Variants in CTNNA3 observed in about 807,000 individuals in gnomAD.
The protein encoded by CTNNA3 is catenin alpha-3.
A neutral mutation model predicts 95.7 loss-of-function variants in CTNNA3; 76 were observed. That is an observed-to-expected ratio of 0.79 (90% CI 0.66 to 0.96). The LOEUF (loss-of-function observed/expected upper bound fraction) is 0.96. Ranked by LOEUF, CTNNA3 falls within the 40% of genes least tolerant of loss-of-function variation. CTNNA3 has a pLI of 0.00. For synonymous variants in CTNNA3, 431 were observed against 374.4 expected, an observed-to-expected ratio of 1.15 and a Z score of -1.74; for missense variants, 1,191 against 1,089.8, an observed-to-expected ratio of 1.09 and a Z score of -1.31.
At chr10:66,011,903 A>G (rs2079011883) in intron 15 of CTNNA3, among the ~76,000 whole-genome samples, 2 of 152,290 alleles carry the variant, frequency 1.3e-5, no homozygotes, top group South Asian at 2.1e-4. Flanking sequence ...GCACTTTGCT[A>G]TGCTGTATGA....
intron 7 of CTNNA3, among the ~76,000 whole-genome samples, chr10:66,913,257 A>AAAG (rs1564762045): frequency 6.7e-6 from 1 of 148,978 alleles, no homozygotes; most frequent in Non-Finnish European, 1.5e-5. Flanking sequence ...AAAAAAAAAA[A>AAAG]AAAAAAAAGA....
chr10:65,995,584 C>T (rs1197016966), intron 15 of CTNNA3, among the ~76,000 whole-genome samples: 5 of 151,952 alleles, frequency 3.3e-5, no homozygotes, highest in Non-Finnish European at 5.9e-5. Flanking sequence ...TGCATGGGCA[C>T]GAATGTAATT....
At chr10:66,695,669 A>G (rs1464292465) in intron 9 of CTNNA3, among the ~76,000 whole-genome samples, 1 of 152,140 alleles carries the variant, frequency 6.6e-6, no homozygotes, top group East Asian at 1.9e-4. Context: ...ATCCTGTTAC[A>G]GGTTTGTTGA....
rs1159606302 is a variant in CTNNA3, at chr10:67,157,585, C to G, written c.1047+22732G>C. Among the ~76,000 whole-genome samples the G allele has an allele frequency of 2.0e-5, 3 of 152,134 alleles. No individual in the cohort carries two copies. In the East Asian group the frequency reaches 5.8e-4, roughly 29 times the overall value. The stretch of plus-strand genomic sequence containing the variant: ...AAAAGAGGAGGTTTGTAAACTCTCT[C>G]CGGAACCAGTATTTCAGACTTTCTA... On this transcript the variant is annotated intron_variant, in intron 7 of 17. Transcript: ENST00000433211.
At chr10:67,740,982 A>G (rs1269143923) in intron 1 of CTNNA3, among the ~76,000 whole-genome samples, 1 of 151,424 alleles carries the variant, frequency 6.6e-6, no homozygotes, top group African/African-American at 2.4e-5. Context: ...TGCAGCCATA[A>G]AAAATGATGA....
chr10:67,189,119 A>G (rs1324471608), intron 6 of CTNNA3, among the ~76,000 whole-genome samples: 5 of 145,268 alleles, frequency 3.4e-5, no homozygotes, highest in South Asian at 4.3e-4. Flanking sequence ...CCTGTCAAAC[A>G]AACAAACAAA....
intron 3 of CTNNA3, among the ~76,000 whole-genome samples, chr10:67,553,945 T>C (rs1841130582): frequency 6.6e-6 from 1 of 152,152 alleles, no homozygotes; most frequent in Admixed American, 6.5e-5. Context: ...GTGTGTGGTG[T>C]TCCCCACCCT....
intron 12 of CTNNA3, among the ~76,000 whole-genome samples, chr10:66,294,886 C>CAGAGAG (rs35664400): frequency 0.033 from 4,692 of 142,440 alleles, 114 homozygotes; most frequent in South Asian, 0.091. Flanking sequence ...ACAGTCAGGA[C>CAGAGAG]AGAGAGAGAG....
intron 15 of CTNNA3, among the ~76,000 whole-genome samples, chr10:66,022,620 C>CAT (rs2079243598): frequency 8.5e-5 from 11 of 129,590 alleles, no homozygotes; most frequent in Admixed American, 8.3e-4. Context: ...CACACACACA[C>CAT]ACACACACAC....
At chr10:67,516,556 T>C (rs1280273228) in intron 5 of CTNNA3, among the ~76,000 whole-genome samples, 4 of 152,190 alleles carry the variant, frequency 2.6e-5, no homozygotes, top group Admixed American at 2.6e-4. Flanking sequence ...TAGAATTTTA[T>C]TTTTTGTTTT....
intron 7 of CTNNA3, among the ~76,000 whole-genome samples, chr10:67,133,328 T>TATATATATTTACAC (rs145659453): frequency 9.5e-6 from 1 of 105,326 alleles, no homozygotes; most frequent in Non-Finnish European, 2.0e-5. Context: ...TATATATTTA[T>TATATATATTTACAC]ACACACACAC....
intron 6 of CTNNA3, among the ~76,000 whole-genome samples, chr10:67,194,613 A>G (rs1315433025): frequency 6.6e-6 from 1 of 151,322 alleles, no homozygotes; most frequent in African/African-American, 2.4e-5. Context: ...AGCAGTAAAA[A>G]TACTCTACAT....
At chr10:66,010,642 C>T (rs1453356499) in intron 15 of CTNNA3, among the ~76,000 whole-genome samples, 1 of 152,172 alleles carries the variant, frequency 6.6e-6, no homozygotes, top group Non-Finnish European at 1.5e-5. Flanking sequence ...ATTTTCCATA[C>T]ACTCAGATGG....
At chr10:66,824,519 A>C (rs1156616992) in intron 7 of CTNNA3, among the ~76,000 whole-genome samples, 2 of 152,194 alleles carry the variant, frequency 1.3e-5, no homozygotes, top group East Asian at 3.9e-4. Context: ...TAGGTAAGGA[A>C]ATAGGTACCT....
intron 7 of CTNNA3, among the ~76,000 whole-genome samples, chr10:67,074,297 T>C (rs1379950547): frequency 6.6e-6 from 1 of 150,524 alleles, no homozygotes; most frequent in Non-Finnish European, 1.5e-5. Flanking sequence ...CCCAAAGTGC[T>C]GAGATTACAG....
intron 12 of CTNNA3, among the ~76,000 whole-genome samples, chr10:66,292,871 T>C (rs547821710): frequency 6.6e-6 from 1 of 152,144 alleles, no homozygotes; most frequent in Non-Finnish European, 1.5e-5. Flanking sequence ...CCTACTTCTT[T>C]CTCCTCAAAA....
intron 11 of CTNNA3, among the ~76,000 whole-genome samples, chr10:66,449,518 T>G (rs1564975411): frequency 6.6e-6 from 1 of 152,186 alleles, no homozygotes; most frequent in Non-Finnish European, 1.5e-5. Flanking sequence ...AATGCTTTTT[T>G]ATTGTTAATT....
At chr10:67,696,310 G>C (rs1840963520), upstream of CTNNA3, 2 of 152,152 alleles carry the variant, frequency 1.3e-5, no homozygotes, top group African/African-American at 4.8e-5. Context: ...ACTTTGCCTA[G>C]AGACCTACAA....
intron 9 of CTNNA3, among the ~76,000 whole-genome samples, chr10:66,738,795 A>G (rs1370569259): frequency 2.0e-5 from 3 of 152,232 alleles, no homozygotes; most frequent in Non-Finnish European, 4.4e-5. Flanking sequence ...TAATCCTTGC[A>G]GTAAAGTAGG....
Sources: gnomAD v4.1 joint callset for allele counts (sites outside exome capture counted in the v4.1 genomes callset) on GRCh38, gnomAD v4.1.1 for gene constraint, MANE v1.5 for transcripts, NCBI Gene and HGNC (gene_info 2026-07-23, HGNC 2026-07-21) for gene names.